Variants in NLN observed in about 807,000 individuals in gnomAD.
NLN encodes the protein neurolysin, also known as neurolysin, mitochondrial.
Under a neutral mutation model 79.9 loss-of-function variants are expected in NLN, and 64 were observed. That is an observed-to-expected ratio of 0.80 (90% confidence interval 0.65 to 0.99). NLN has a LOEUF of 0.99. NLN is among the 50% of genes least tolerant of loss of function. The pLI is 0.00. For missense variants in NLN, 835 were observed against 858.7 expected, an observed-to-expected ratio of 0.97 and a Z score of 0.34; for synonymous variants, 267 against 296.6, an observed-to-expected ratio of 0.90 and a Z score of 1.02.
At chr5:65,794,681 G>A (rs929113855) in intron 9 of NLN, among the ~76,000 whole-genome samples, 1 of 152,030 alleles carries the variant, frequency 6.6e-6, no homozygotes, top group Admixed American at 6.6e-5. Flanking sequence ...TAGTTTTTTT[G>A]ATTTATGTGA....
chr5:65,792,507 T>G lies in NLN; in HGVS notation c.1379T>G (p.Leu460Arg). Residue 460 changes from leucine to arginine, a missense_variant, in exon 9 of 13, where the codon CTG becomes CGG. Physicochemically the swap from Leu to Arg is moderately radical, Grantham distance 102 (BLOSUM62 -2). Coordinates refer to ENST00000380985, the MANE Select transcript of NLN (RefSeq NM_020726.5). ...ACFGLQPGCL[L>R]PDGSRMMAVA... ...TTCGGTCTCCAGCCTGGCTGCCTTCTGCCTGATGGAAGCCGGATGATGGCA... is the reference window on the plus strand; with the variant it reads ...TTCGGTCTCCAGCCTGGCTGCCTTCGGCCTGATGGAAGCCGGATGATGGCA... 6.2e-7 allele frequency: 1 copy of G among 1,614,226 alleles called. No individual in the cohort carries two copies. The highest frequency in any genetic ancestry group is 8.5e-7 in the Non-Finnish European group (1 of 1,180,032).
intron 1 of NLN, among the ~76,000 whole-genome samples, chr5:65,752,282 G>A (rs932908465): frequency 7.2e-5 from 11 of 151,996 alleles, no homozygotes; most frequent in Admixed American, 2.6e-4. Flanking sequence ...AAAGTGCTTT[G>A]AAAACAGAGG....
intron 12 of NLN, 103 bp from the exon 13 acceptor site, chr5:65,822,678 A>C: frequency 1.2e-6 from 1 of 811,516 alleles, no homozygotes; most frequent in Non-Finnish European, 2.2e-6. Context: ...GAGTAAGGCT[A>C]AAGTCCTTTT....
At chr5:65,803,192 G>C (rs1760327785) in intron 9 of NLN, among the ~76,000 whole-genome samples, 1 of 152,192 alleles carries the variant, frequency 6.6e-6, no homozygotes, top group Non-Finnish European at 1.5e-5. Context: ...CAGGCTTCAG[G>C]CCTTCCCTGG....
At chr5:65,777,894 T>C (rs191799326) in intron 4 of NLN, among the ~76,000 whole-genome samples, 1 of 152,332 alleles carries the variant, frequency 6.6e-6, no homozygotes, top group Non-Finnish European at 1.5e-5. Context: ...TTTAGTGGTT[T>C]TAAATTCTAC....
chr5:65,747,501 TGA>T (rs1440721465), intron 1 of NLN, among the ~76,000 whole-genome samples: 1 of 152,098 alleles, frequency 6.6e-6, no homozygotes. Flanking sequence ...GGGGTTTTGG[TGA>T]GAGATGGTTG....
intron 1 of NLN, among the ~76,000 whole-genome samples, chr5:65,755,452 A>G (rs1759198008): frequency 6.6e-6 from 1 of 152,190 alleles, no homozygotes; most frequent in Non-Finnish European, 1.5e-5. Context: ...ATGAATTCAG[A>G]AGCCTTCTGA....
chr5:65,775,714 A>T (rs573561776), intron 3 of NLN, among the ~76,000 whole-genome samples: 1 of 152,320 alleles, frequency 6.6e-6, no homozygotes, highest in South Asian at 2.1e-4. Flanking sequence ...GAACCAGCCC[A>T]TAGCCCAGTT....
At chr5:65,746,931 G>C (rs1758994008) in intron 1 of NLN, among the ~76,000 whole-genome samples, 1 of 151,582 alleles carries the variant, frequency 6.6e-6, no homozygotes, top group African/African-American at 2.4e-5. Flanking sequence ...GTGAACCCAA[G>C]AGGCGGAGCT....
chr5:65,785,985 A>G, intron 7 of NLN, 75 bp downstream of exon 7: 1 of 1,358,562 alleles, frequency 7.4e-7, no homozygotes, highest in Non-Finnish European at 1.0e-6. Context: ...AGAACATAAT[A>G]TGCCTTTGAG....
intron 3 of NLN, among the ~76,000 whole-genome samples, chr5:65,771,770 A>G (rs1477767894): frequency 6.6e-6 from 1 of 152,112 alleles, no homozygotes; most frequent in Non-Finnish European, 1.5e-5. Context: ...AAATCCCAGC[A>G]CTTTGGGAGG....
chr5:65,810,128 A>G lies in NLN; in HGVS notation c.1806A>G (p.Lys602=). Residue 602 remains lysine, a synonymous_variant, in exon 11 of 13, where the codon AAA becomes AAG. Transcript: ENST00000380985. ...TGGATGCTGCAAGTGAATATGCCAA[A>G]TACTGCTCAGAAATATTAGGAGTTG... ...TSLDAASEYA[K]YCSEILGVAA... is the part of the protein sequence containing the mutation. 1 of 1,614,008 alleles carries G rather than the reference A, an allele frequency of 6.2e-7. No individual in the cohort carries two copies. Among genetic ancestry groups the G allele is most frequent in the Non-Finnish European group, 8.5e-7 (1 of 1,179,860 alleles).
chr5:65,770,706 A>G (rs1759548188), intron 3 of NLN, among the ~76,000 whole-genome samples: 1 of 152,224 alleles, frequency 6.6e-6, no homozygotes, highest in Non-Finnish European at 1.5e-5. Flanking sequence ...GCATTTGTGC[A>G]AGGTAATATT....
intron 1 of NLN, among the ~76,000 whole-genome samples, chr5:65,723,599 G>A (rs1758373127): frequency 6.6e-6 from 1 of 151,946 alleles, no homozygotes; most frequent in Non-Finnish European, 1.5e-5. Flanking sequence ...TGGATCACGA[G>A]GTCAGGAGAT....
At chr5:65,738,970 A>ATATTT (rs1758802677) in intron 1 of NLN, among the ~76,000 whole-genome samples, 1 of 67,022 alleles carries the variant, frequency 1.5e-5, no homozygotes, top group African/African-American at 5.3e-5. Context: ...TGTATATATA[A>ATATTT]ATATATATAT....
At chr5:65,776,563 C>T (rs1759683477) in intron 3 of NLN, among the ~76,000 whole-genome samples, 1 of 152,172 alleles carries the variant, frequency 6.6e-6, no homozygotes, top group African/African-American at 2.4e-5. Context: ...GGCTTTCAAC[C>T]AAACTGAATC....
chr5:65,793,032 T>G (rs1760102362), intron 9 of NLN: 1 of 355,136 alleles, frequency 2.8e-6, no homozygotes, highest in African/African-American at 2.1e-5. Flanking sequence ...ACTTTAGTGG[T>G]TTTTCAATCC....
intron 12 of NLN, among the ~76,000 whole-genome samples, chr5:65,816,361 A>G (rs1173467764): frequency 1.3e-5 from 2 of 152,168 alleles, no homozygotes; most frequent in Non-Finnish European, 2.9e-5. Flanking sequence ...GGAGAACAGC[A>G]CACACTGGGG....
At chr5:65,774,059 T>G (rs1483193628) in intron 3 of NLN, among the ~76,000 whole-genome samples, 2 of 151,724 alleles carry the variant, frequency 1.3e-5, no homozygotes, top group East Asian at 1.9e-4. Flanking sequence ...TTCAAAGTTT[T>G]TTTTTTTTTT....
Sources: allele counts gnomAD v4.1 joint callset (sites outside exome capture counted in the v4.1 genomes callset), GRCh38; gene constraint gnomAD v4.1.1; transcripts MANE v1.5; gene names NCBI Gene and HGNC (gene_info 2026-07-23, HGNC 2026-07-21).